Variants in YBEY observed in about 807,000 individuals in gnomAD.
YBEY encodes the protein endoribonuclease YbeY.
YBEY carries 15 observed loss-of-function variants against 13.5 expected under a neutral mutation model. The ratio of observed to expected loss-of-function variants is 1.11; its 90% CI spans 0.75 to 1.72. The LOEUF is 1.72. Among genes scored for constraint, YBEY ranks in the 40% most tolerant of loss-of-function variants. The probability of loss-of-function intolerance (pLI) is 0.00; values close to 1 mark genes in which losing one functional copy is unlikely to be tolerated. For missense variants in YBEY, 244 were observed against 208.4 expected, an observed-to-expected ratio of 1.17 and a Z score of -1.05; for synonymous variants, 101 against 83.1, an observed-to-expected ratio of 1.21 and a Z score of -1.17.
At chr21:46,298,564 G>A, downstream of YBEY, among the ~76,000 whole-genome samples, 1 of 151,278 alleles carries the variant, frequency 6.6e-6, no homozygotes, top group Non-Finnish European at 1.5e-5. Context: ...CGAGTAGCTG[G>A]GACTACAGGC....
chr21:46,298,578 C>CG (rs938264376), downstream of YBEY, among the ~76,000 whole-genome samples: 8 of 150,456 alleles, frequency 5.3e-5, no homozygotes, highest in African/African-American at 1.9e-4. Context: ...TACAGGCGCC[C>CG]GCCACCTCGC....
the YBEY span, among the ~76,000 whole-genome samples, chr21:46,309,923 A>C: frequency 2.0e-5 from 3 of 151,568 alleles, no homozygotes; most frequent in African/African-American, 7.3e-5. Context: ...TTAAACCTGG[A>C]GGGGCAGAGG....
At chr21:46,302,986 G>C in the YBEY span, among the ~76,000 whole-genome samples, 1 of 151,456 alleles carries the variant, frequency 6.6e-6, no homozygotes, top group Admixed American at 6.6e-5. Context: ...CCCGGGGCGC[G>C]CCCTGAGTCT....
chr21:46,294,324 T>A (rs868740488), intron 3 of YBEY, among the ~76,000 whole-genome samples: 46 of 70,424 alleles, frequency 6.5e-4, no homozygotes, highest in African/African-American at 1.3e-3. Flanking sequence ...CTCAGTGGAG[T>A]CAGCCACGCA....
At chr21:46,288,748 T>C (rs118135197) in intron 2 of YBEY, among the ~76,000 whole-genome samples, 9,111 of 152,128 alleles carry the variant, frequency 0.06, 359 homozygotes, top group Non-Finnish European at 0.09. Context: ...TGTTAATTTA[T>C]TGGCTGGGCC....
intron 4 of YBEY, 68 bp from the exon 5 acceptor site, chr21:46,297,471 A>T: frequency 7.8e-7 from 1 of 1,287,092 alleles, no homozygotes; most frequent in Non-Finnish European, 1.0e-6. Context: ...CATCCCGAGG[A>T]GGCGACCCCA....
At chr21:46,311,889 A>C in the YBEY span, among the ~76,000 whole-genome samples, 1 of 148,802 alleles carries the variant, frequency 6.7e-6, no homozygotes, top group African/African-American at 2.5e-5. Flanking sequence ...CCAACCATCC[A>C]ACCAGCCAAC....
the YBEY span, among the ~76,000 whole-genome samples, chr21:46,305,939 C>CA: frequency 3.5e-4 from 46 of 130,908 alleles, no homozygotes; most frequent in South Asian, 4.9e-4. Flanking sequence ...GACTCCGTCT[C>CA]AAAAAAAAAA....
chr21:46,303,741 ATATATTTTTTTTTTTTT>A, the YBEY span, among the ~76,000 whole-genome samples: 1 of 24,270 alleles, frequency 4.1e-5, no homozygotes, highest in African/African-American at 1.6e-4. Context: ...ATATATATAT[ATATATTTTTTTTTTTTT>A]TTTTTTTTTT....
rs1406031521 is a variant in YBEY, at chr21:46,291,480, AATC to A, written c.339+21_339+23del. 6.2e-7 allele frequency: 1 copy of A among 1,613,240 alleles called. No individual in the cohort carries two copies. The highest frequency in any genetic ancestry group is 8.5e-7 in the Non-Finnish European group (1 of 1,179,674). On this transcript the variant is annotated intron_variant, in intron 3 of 4. Coordinates refer to ENST00000397701, the MANE Select transcript of YBEY (RefSeq NM_001314025.2). ...TCCTGACTGTAAGCGGGGATGCTGA[AATC>A]ATATAACCTGGCTCATGGAACATGG...
In YBEY at chr21:46,289,441, G is replaced by GTTTTTTT. The variant is rs773002446; in HGVS notation, c.211-1889_211-1888insTTTTTTT. 8.8e-5 allele frequency among the ~76,000 whole-genome samples: 12 copies of GTTTTTTT among 136,512 alleles called. 1 individual carries two copies. Among genetic ancestry groups the GTTTTTTT allele is most frequent in the Non-Finnish European group, 1.1e-4 (7 of 63,830 alleles). The allele number at this position is 136,512 out of a possible 152,430, so 89.6% of individuals were successfully genotyped here. ...TTCAGGGAGGTAAAGGAAGGCAAGG[G>GTTTTTTT]TTTTGTTTTTTTTTTTTTTTTTGAG... On this transcript the variant is annotated intron_variant, in intron 2 of 4. Transcript: ENST00000397701.
At chr21:46,299,533 G>A (rs192954739), downstream of YBEY, among the ~76,000 whole-genome samples, 1 of 152,140 alleles carries the variant, frequency 6.6e-6, no homozygotes, top group African/African-American at 2.4e-5. Context: ...AGAGTCACCC[G>A]GCCCTTCACG....
At chr21:46,293,277 ACTC>A (rs2145809774) in intron 3 of YBEY, among the ~76,000 whole-genome samples, 2 of 79,682 alleles carry the variant, frequency 2.5e-5, no homozygotes, top group African/African-American at 8.6e-5. Flanking sequence ...CGTGCCCGGG[ACTC>A]AGTGGGGACA....
rs1487717196 is a variant in YBEY, at chr21:46,286,819, G to GA, written c.-44-50dup. Reference sequence around the variant, plus strand: ...TTGCGCGTGCATCTGTATTTTTACAGACCGTATTATCACTTGTACTGATTG... The same window carrying GA: ...TTGCGCGTGCATCTGTATTTTTACAGAACCGTATTATCACTTGTACTGATTG... On this transcript the variant is annotated intron_variant, in intron 1 of 4. Coordinates refer to ENST00000397701, the MANE Select transcript of YBEY (RefSeq NM_001314025.2). 28 of 1,108,100 alleles carry GA rather than the reference G, an allele frequency of 2.5e-5. No individual in the cohort carries two copies. The African/African-American group carries it at 2.8e-4, about 11-fold the overall frequency. 68.6% of individuals were successfully genotyped at this position (1,108,100 alleles called of 1,614,324 possible). A position where few individuals can be genotyped will look rare whatever the true frequency, so the allele number is the denominator to read the frequency against.
In YBEY at chr21:46,296,072, A is replaced by AC; in HGVS notation, c.340-88dup. On this transcript the variant is annotated intron_variant, in intron 3 of 4. Transcript: ENST00000397701. ...CAACCCTGGGGTCCTGCAGCCACAT[A>AC]CCAAGAGCAGCCTGTGGCCCTGGGG... 5 of 1,441,478 alleles carry AC rather than the reference A, an allele frequency of 3.5e-6. No homozygotes were observed. The South Asian group carries it at 5.8e-5, about 17-fold the overall frequency. 89.3% of individuals were successfully genotyped at this position (1,441,478 alleles called of 1,614,324 possible). A position where few individuals can be genotyped will look rare whatever the true frequency, so the allele number is the denominator to read the frequency against.
the YBEY span, among the ~76,000 whole-genome samples, chr21:46,308,325 G>A: frequency 6.6e-6 from 1 of 152,024 alleles, no homozygotes; most frequent in African/African-American, 2.4e-5. Context: ...GCCGGGCGTG[G>A]TGGCACATGC....
At chr21:46,296,329 C>A in intron 4 of YBEY, 99 bp downstream of exon 4, 1 of 1,388,154 alleles carries the variant, frequency 7.2e-7, no homozygotes, top group Non-Finnish European at 1.0e-6. Flanking sequence ...ACCGCCCCCG[C>A]AGGAACTGGA....
chr21:46,300,923 T>C, downstream of YBEY: 1 of 838,020 alleles, frequency 1.2e-6, no homozygotes, highest in South Asian at 1.7e-5. Context: ...ATAGTCAAGG[T>C]AGCCTGTCCA....
chr21:46,302,381 C>A, downstream of YBEY: 5 of 1,091,992 alleles, frequency 4.6e-6, no homozygotes, highest in Non-Finnish European at 6.7e-6. Flanking sequence ...TAGACCTGAG[C>A]CAGGAATGCC....
Sources: gnomAD v4.1 joint callset for allele counts (sites outside exome capture counted in the v4.1 genomes callset) on GRCh38, gnomAD v4.1.1 for gene constraint, MANE v1.5 for transcripts, NCBI Gene and HGNC (gene_info 2026-07-23, HGNC 2026-07-21) for gene names.